ZNF75D: variants seen among roughly 807,000 people sequenced by gnomAD.
ZNF75D encodes the protein zinc finger protein 75D, also known as zinc finger protein 75.
A neutral mutation model predicts 33.3 loss-of-function variants in ZNF75D; 33 were observed. The observed-to-expected ratio is 0.99, with a 90% CI of 0.75 to 1.32. The LOEUF (loss-of-function observed/expected upper bound fraction) is 1.32, where lower values mean the gene tolerates loss of function less well. ZNF75D is among the 40% of genes most tolerant of loss of function. ZNF75D has a pLI of 0.00. For missense variants in ZNF75D, 338 were observed against 367.5 expected (o/e 0.92, Z 0.66); for synonymous variants, 113 against 130.6 (o/e 0.87, Z 0.92).
chrX:135,274,355 AT>A (rs782048904), intron 1 of ZNF75D, among the ~76,000 whole-genome samples: 132 of 112,084 alleles, frequency 1.2e-3, no homozygotes, highest in Non-Finnish European at 2.1e-3. Flanking sequence ...GTCAGCATAC[AT>A]TTTTGTCTGG....
rs782296510 is a variant in ZNF75D at position 135,305,010 on chromosome X, C to A, written c.-390-8971G>T. ...CTGGAGGTGACAGAGATTTATATCACCCCTGGGGGAAGTCCTTTAAGAAGT... is the reference window on the plus strand; with the variant it reads ...CTGGAGGTGACAGAGATTTATATCAACCCTGGGGGAAGTCCTTTAAGAAGT... On this transcript the variant is annotated intron_variant, in intron 1 of 6. Coordinates refer to ENST00000370766, the MANE Select transcript of ZNF75D (RefSeq NM_007131.5). Among the ~76,000 whole-genome samples the A allele has an allele frequency of 6.0e-4, 67 of 112,366 alleles. 1 individual carries two copies. The highest frequency in any genetic ancestry group is 2.1e-3 in the African/African-American group (66 of 30,959).
intron 1 of ZNF75D, among the ~76,000 whole-genome samples, chrX:135,311,614 G>A (rs1556428257): frequency 8.9e-6 from 1 of 111,909 alleles, no homozygotes; most frequent in Non-Finnish European, 1.9e-5. Flanking sequence ...GTTACTAGCT[G>A]TAGTTAACAT....
intron 1 of ZNF75D, among the ~76,000 whole-genome samples, chrX:135,329,254 G>A (rs371493804): frequency 4.5e-5 from 5 of 111,729 alleles, no homozygotes; most frequent in Non-Finnish European, 7.5e-5. Flanking sequence ...CCACTTTTTA[G>A]AGATATTTTT....
chrX:135,305,717 G>A lies in ZNF75D; in HGVS notation c.-390-9678C>T, dbSNP rs557479519. ...GGCTTCTCCACGTGCCCACTCAGCC[G>A]TCCTTCCACCTTCTCTAAACAGGGC... is the stretch of plus-strand genomic sequence containing the variant. On this transcript the variant is annotated intron_variant, in intron 1 of 6. Transcript: ENST00000370766. Among the ~76,000 whole-genome samples, 22 of 110,877 alleles carry A rather than the reference G, an allele frequency of 2.0e-4. No individual in the cohort carries two copies. The South Asian group carries it at 7.8e-3, about 39-fold the overall frequency.
chrX:135,290,835 T>C (rs2084027516), intron 6 of ZNF75D, among the ~76,000 whole-genome samples, 174 bp downstream of exon 6: 1 of 112,440 alleles, frequency 8.9e-6, no homozygotes, highest in African/African-American at 3.2e-5. Context: ...AGACAGGTAT[T>C]TACAAAAAGC....
intron 6 of ZNF75D, among the ~76,000 whole-genome samples, chrX:135,290,078 G>A (rs782717301): frequency 1.8e-5 from 2 of 112,082 alleles, no homozygotes; most frequent in South Asian, 3.7e-4. Context: ...TTGAAGAGTC[G>A]TGTGGTGTGA....
rs1254335294 is a variant in ZNF75D, at chrX:135,267,293, A to T, written n.828-11516T>A. On this transcript the variant is annotated intron_variant and non_coding_transcript_variant, in intron 1 of 3. Coordinates refer to the ZNF75D transcript ENST00000494295. ...ATAAATAAACGAATGTGAAAAATGA[A>T]GAAAACAATACAAAAGACCAATGAA... 2.7e-5 allele frequency among the ~76,000 whole-genome samples: 3 copies of T among 112,092 alleles called. No individual in the cohort carries two copies. The East Asian group carries it at 8.3e-4, about 31-fold the overall frequency.
At chrX:135,270,265 A>G (rs1224796557) in intron 1 of ZNF75D, among the ~76,000 whole-genome samples, 1 of 105,212 alleles carries the variant, frequency 9.5e-6, no homozygotes. Context: ...GATTGTTTAT[A>G]ACACAAAGAA....
downstream of ZNF75D, among the ~76,000 whole-genome samples, chrX:135,282,698 C>T (rs782644961): frequency 7.2e-5 from 8 of 111,421 alleles, no homozygotes; most frequent in African/African-American, 2.3e-4. Flanking sequence ...AATGCACCAT[C>T]CCTCAGGGCA....
chrX:135,267,806 CAA>C (rs371405813), intron 1 of ZNF75D, among the ~76,000 whole-genome samples: 3 of 92,516 alleles, frequency 3.2e-5, no homozygotes, highest in East Asian at 3.4e-4. Flanking sequence ...AAAGATACAC[CAA>C]AAAAAAAAAA....
At chrX:135,311,734 C>T (rs2084361090) in intron 1 of ZNF75D, among the ~76,000 whole-genome samples, 1 of 112,034 alleles carries the variant, frequency 8.9e-6, no homozygotes. Flanking sequence ...CCATTATCTT[C>T]TCTGCTTCTA....
intron 1 of ZNF75D, among the ~76,000 whole-genome samples, chrX:135,271,691 A>G (rs2083883643): frequency 8.9e-6 from 1 of 111,878 alleles, no homozygotes; most frequent in Admixed American, 9.5e-5. Flanking sequence ...CATACTCTAA[A>G]TAACTCCAGA....
At chrX:135,258,772 T>C (rs1318794605) in intron 1 of ZNF75D, among the ~76,000 whole-genome samples, 6 of 112,365 alleles carry the variant, frequency 5.3e-5, no homozygotes, top group Admixed American at 4.7e-4. Context: ...GGTAGTTTCT[T>C]TGCTGCACAG....
chrX:135,332,950 T>C lies in ZNF75D; in HGVS notation c.-391+8818A>G, dbSNP rs186450479. Among the ~76,000 whole-genome samples, 13 of 111,683 alleles carry C rather than the reference T, an allele frequency of 1.2e-4. No individual in the cohort carries two copies. In the East Asian group the frequency reaches 3.7e-3, roughly 32 times the overall value. ...CATGGAGGTTGTATAGTATGCTAAGTTTACAGAAGGAAAGTACCCTTCACC... is the reference window on the plus strand; with the variant it reads ...CATGGAGGTTGTATAGTATGCTAAGCTTACAGAAGGAAAGTACCCTTCACC... On this transcript the variant is annotated intron_variant, in intron 1 of 6. Coordinates refer to ENST00000370766, the MANE Select transcript of ZNF75D (RefSeq NM_007131.5).
intron 1 of ZNF75D, among the ~76,000 whole-genome samples, chrX:135,271,307 C>T (rs2083882258): frequency 8.9e-6 from 1 of 111,935 alleles, no homozygotes; most frequent in Non-Finnish European, 1.9e-5. Context: ...AATTGTGGCT[C>T]TCATAGCATG....
intron 1 of ZNF75D, among the ~76,000 whole-genome samples, chrX:135,275,972 C>A (rs1217163354): frequency 2.7e-5 from 3 of 111,591 alleles, no homozygotes; most frequent in Non-Finnish European, 5.6e-5. Flanking sequence ...TATTCTTAAT[C>A]CATGGCAATG....
Position 135,291,562 on chromosome X carries a change from A to G in ZNF75D, c.606T>C (p.Ala202=), listed in dbSNP as rs2084040197. The change falls in exon 5 of 7, where the codon GCT becomes GCC. Residue 202 remains alanine (A), a splice_region_variant and synonymous_variant. Coordinates refer to ENST00000370766, the MANE Select transcript of ZNF75D (RefSeq NM_007131.5). The part of the protein sequence containing the change: ...HKETQPVYER[A]VHDQQMLALS... ...GGGCTAACATCTGTTGATCATGCAC[A>G]GCTGTGGGTAGAAAATAGCCAGGGA... 8.3e-7 allele frequency: 1 copy of G among 1,205,165 alleles called. No individual in the cohort carries two copies. The highest frequency in any genetic ancestry group is 1.1e-6 in the Non-Finnish European group (1 of 892,344).
intron 1 of ZNF75D, among the ~76,000 whole-genome samples, chrX:135,325,612 A>T (rs1330717663): frequency 2.7e-5 from 3 of 112,395 alleles, no homozygotes; most frequent in African/African-American, 9.7e-5. Context: ...GCGGCTGTGG[A>T]GGGTGTACTG....
intron 1 of ZNF75D, among the ~76,000 whole-genome samples, chrX:135,262,506 T>C (rs2083846718): frequency 8.9e-6 from 1 of 112,310 alleles, no homozygotes; most frequent in African/African-American, 3.2e-5. Flanking sequence ...TTACTTTTTT[T>C]TCTCTAACCT....
Sources: gnomAD v4.1 joint callset for allele counts (sites outside exome capture counted in the v4.1 genomes callset) on GRCh38, gnomAD v4.1.1 for gene constraint, MANE v1.5 for transcripts, NCBI Gene and HGNC (gene_info 2026-07-23, HGNC 2026-07-21) for gene names.